The following SPOCK3 variants were observed in gnomAD, a reference collection of about 807,000 sequenced individuals.
SPOCK3 encodes SPARC (osteonectin), cwcv and kazal like domains proteoglycan 3.
Under a neutral mutation model 56.6 loss-of-function variants are expected in SPOCK3, and 30 were observed. The ratio of observed to expected loss-of-function variants is 0.53; its 90% CI spans 0.40 to 0.72. The LOEUF (loss-of-function observed/expected upper bound fraction) is 0.72, where lower values mean the gene tolerates loss of function less well. Ranked by LOEUF, SPOCK3 falls within the 30% of genes least tolerant of loss-of-function variation. The pLI is 0.00. For missense variants in SPOCK3, 527 were observed against 530.0 expected, an observed-to-expected ratio of 0.99 and a Z score of 0.06; for synonymous variants, 196 against 183.3, an observed-to-expected ratio of 1.07 and a Z score of -0.56.
At chr4:167,031,463 A>G (rs998382641) in intron 3 of SPOCK3, among the ~76,000 whole-genome samples, 1 of 152,058 alleles carries the variant, frequency 6.6e-6, no homozygotes, top group African/African-American at 2.4e-5. Flanking sequence ...CTGTGATCAA[A>G]TTATTTAAGA....
intron 6 of SPOCK3, among the ~76,000 whole-genome samples, chr4:166,793,789 C>G (rs929367947): frequency 6.6e-6 from 1 of 152,058 alleles, no homozygotes; most frequent in Non-Finnish European, 1.5e-5. Context: ...AGCATAGCAA[C>G]ATAAAAATTA....
intron 7 of SPOCK3, among the ~76,000 whole-genome samples, chr4:166,778,665 AT>A (rs1383965431): frequency 1.3e-5 from 2 of 152,104 alleles, no homozygotes; most frequent in Non-Finnish European, 2.9e-5. Context: ...ACTTTCAGTA[AT>A]TGTTGAATAT....
intron 3 of SPOCK3, among the ~76,000 whole-genome samples, chr4:167,058,456 C>A (rs1379809061): frequency 1.3e-5 from 2 of 151,990 alleles, no homozygotes; most frequent in Non-Finnish European, 2.9e-5. Context: ...ATGTGAAGGA[C>A]CTCTTCAAGG....
chr4:167,081,797 T>C (rs1757729352), intron 2 of SPOCK3, among the ~76,000 whole-genome samples: 1 of 151,988 alleles, frequency 6.6e-6, no homozygotes, highest in Non-Finnish European at 1.5e-5. Flanking sequence ...GGAGAAAATA[T>C]ATAGATACAG....
chr4:166,778,802 G>A (rs1161490893), intron 7 of SPOCK3, among the ~76,000 whole-genome samples: 1 of 151,912 alleles, frequency 6.6e-6, no homozygotes, highest in African/African-American at 2.4e-5. Flanking sequence ...TGTTGAGGAA[G>A]GAGGTTATGT....
intron 2 of SPOCK3, among the ~76,000 whole-genome samples, chr4:167,139,470 C>A (rs370279646): frequency 4.6e-5 from 7 of 152,000 alleles, no homozygotes; most frequent in East Asian, 1.9e-4. Flanking sequence ...TATTGCCAAT[C>A]TGAATGTTAT....
At chr4:167,226,643 G>A (rs571275650) in intron 2 of SPOCK3, among the ~76,000 whole-genome samples, 1 of 152,134 alleles carries the variant, frequency 6.6e-6, no homozygotes, top group Admixed American at 6.6e-5. Context: ...GTAGCTGGGT[G>A]TTGACATGTA....
At chr4:166,747,218 T>A (rs1183658295) in intron 8 of SPOCK3, among the ~76,000 whole-genome samples, 11 of 152,100 alleles carry the variant, frequency 7.2e-5, no homozygotes, top group African/African-American at 2.7e-4. Context: ...TGATGAACAT[T>A]GATGCAAAAA....
intron 8 of SPOCK3, among the ~76,000 whole-genome samples, chr4:166,747,203 A>G (rs767352646): frequency 2.6e-5 from 4 of 152,196 alleles, no homozygotes; most frequent in Admixed American, 6.5e-5. Flanking sequence ...TCAGGCCAAC[A>G]TCGCTGATGA....
chr4:167,210,393 A>AATC (rs1734756301), intron 2 of SPOCK3, among the ~76,000 whole-genome samples: 1 of 152,162 alleles, frequency 6.6e-6, no homozygotes, highest in Non-Finnish European at 1.5e-5. Flanking sequence ...CAGTGCATTG[A>AATC]ATCATTATTC....
rs531810838 is a variant in SPOCK3 at position 166,892,327 on chromosome 4, CT to C, written c.475-3084del. Among the ~76,000 whole-genome samples the C allele has an allele frequency of 8.1e-3, 1,223 of 151,842 alleles. 15 individuals are homozygous for C. Among genetic ancestry groups the C allele is most frequent in the African/African-American group, 0.027 (1,128 of 41,506 alleles). ...ATTTCAGAATGATTCTACTCAACAC[CT>C]TTTTTTCTATGCATTTCTATAAAGA... On this transcript the variant is annotated intron_variant, in intron 5 of 10. Coordinates refer to ENST00000357545, the MANE Select transcript of SPOCK3 (RefSeq NM_001040159.2).
At chr4:166,910,544 CT>C (rs1191695891) in intron 5 of SPOCK3, among the ~76,000 whole-genome samples, 2 of 152,020 alleles carry the variant, frequency 1.3e-5, no homozygotes, top group African/African-American at 2.4e-5. Flanking sequence ...AATATGAGAG[CT>C]ATTTCTTACA....
intron 5 of SPOCK3, among the ~76,000 whole-genome samples, chr4:166,890,465 A>G (rs1734656724): frequency 6.6e-6 from 1 of 151,970 alleles, no homozygotes; most frequent in Admixed American, 6.6e-5. Flanking sequence ...ATGCTAGTAA[A>G]AGCTGAATAC....
chr4:166,906,241 C>T (rs1289338549), intron 5 of SPOCK3, among the ~76,000 whole-genome samples: 2 of 151,892 alleles, frequency 1.3e-5, no homozygotes, highest in Non-Finnish European at 2.9e-5. Context: ...AGAAACAGAC[C>T]CACACTTTTA....
chr4:167,047,070 T>C (rs7687572), intron 3 of SPOCK3, among the ~76,000 whole-genome samples: 1 of 152,168 alleles, frequency 6.6e-6, no homozygotes, highest in Admixed American at 6.5e-5. Context: ...CAAGAAGGCA[T>C]ATTAACTCTC....
chr4:167,067,191 T>C (rs965999602), intron 2 of SPOCK3, among the ~76,000 whole-genome samples: 4 of 151,794 alleles, frequency 2.6e-5, no homozygotes, highest in African/African-American at 9.7e-5. Context: ...ATTTAAGTCA[T>C]CCCAGTGGCT....
chr4:167,109,653 T>C (rs1258039736), intron 2 of SPOCK3, among the ~76,000 whole-genome samples: 1 of 147,152 alleles, frequency 6.8e-6, no homozygotes, highest in Non-Finnish European at 1.5e-5. Context: ...CTCTTGGTCT[T>C]ACTTGTTTTA....
At chr4:167,010,519 C>CAAAA in intron 3 of SPOCK3, among the ~76,000 whole-genome samples, 1 of 109,800 alleles carries the variant, frequency 9.1e-6, no homozygotes, top group East Asian at 2.6e-4. Flanking sequence ...GACTCTGTCT[C>CAAAA]AAAAAAAAAA....
chr4:166,973,273 C>A (rs1298196121), intron 4 of SPOCK3, among the ~76,000 whole-genome samples: 1 of 152,138 alleles, frequency 6.6e-6, no homozygotes, highest in Non-Finnish European at 1.5e-5. Flanking sequence ...GCCTCCCCAG[C>A]CATGCAAAGC....
Sources: allele counts gnomAD v4.1 joint callset (sites outside exome capture counted in the v4.1 genomes callset), GRCh38; gene constraint gnomAD v4.1.1; transcripts MANE v1.5; gene names NCBI Gene and HGNC (gene_info 2026-07-23, HGNC 2026-07-21).